RARB: variants seen among roughly 807,000 people sequenced by gnomAD.
The protein encoded by RARB is HBV-activated protein.
In RARB, 17 loss-of-function variants were observed where a neutral mutation model predicts 51.9. The observed-to-expected ratio is 0.33, with a 90% confidence interval of 0.22 to 0.49. The LOEUF is 0.49. Ranked by LOEUF, RARB falls within the 20% of genes least tolerant of loss-of-function variation. RARB has a pLI of 0.99. For missense variants in RARB, 369 were observed against 550.8 expected (o/e 0.67, Z 3.30); for synonymous variants, 215 against 195.4 (o/e 1.10, Z -0.84).
chr3:24,887,765 C>G (rs1427539848), intron 2 of RARB, among the ~76,000 whole-genome samples: 1 of 152,174 alleles, frequency 6.6e-6, no homozygotes, highest in Non-Finnish European at 1.5e-5. Context: ...ACCTCTGCCT[C>G]TTGTCACTTG....
intron 5 of RARB, among the ~76,000 whole-genome samples, chr3:25,291,231 C>T (rs1268543449): frequency 6.6e-6 from 1 of 152,164 alleles, no homozygotes; most frequent in African/African-American, 2.4e-5. Context: ...TCCCTCAGGT[C>T]ATGAATGCAT....
At chr3:25,218,105 C>T (rs969233325) in intron 5 of RARB, among the ~76,000 whole-genome samples, 3 of 152,106 alleles carry the variant, frequency 2.0e-5, no homozygotes, top group Admixed American at 6.6e-5. Context: ...TTCCTATAAG[C>T]CTTTTATTAT....
intron 5 of RARB, among the ~76,000 whole-genome samples, chr3:25,334,280 C>A (rs1364260449): frequency 6.6e-6 from 1 of 152,110 alleles, no homozygotes; most frequent in African/African-American, 2.4e-5. Flanking sequence ...AACCAACCCA[C>A]ATGTCCATTA....
At chr3:25,191,348 C>A (rs1701098506) in intron 5 of RARB, among the ~76,000 whole-genome samples, 1 of 152,018 alleles carries the variant, frequency 6.6e-6, no homozygotes, top group Admixed American at 6.6e-5. Context: ...AGTTTTATAT[C>A]TCTAATAAAG....
In RARB at chr3:24,839,535, GAA is replaced by G. The variant is rs56392246; in HGVS notation, c.-459+10146_-459+10147del. Among the ~76,000 whole-genome samples the G allele has an allele frequency of 5.7e-3, 785 of 137,724 alleles. 6 individuals carry two copies. Among genetic ancestry groups the G allele is most frequent in the Middle Eastern group, 0.023 (6 of 260 alleles). The allele number at this position is 137,724 out of a possible 152,430, so 90.4% of individuals were successfully genotyped here. The stretch of plus-strand genomic sequence containing the variant: ...GGCAACACAGAGAAACCCTGTCTCT[GAA>G]AAAAAAAAAAAAATACAGAAGTTAG... On this transcript the variant is annotated intron_variant, in intron 1 of 11. Coordinates refer to the RARB transcript ENST00000383772.
At chr3:25,320,111 A>AC (rs1412970639) in intron 5 of RARB, among the ~76,000 whole-genome samples, 1 of 151,442 alleles carries the variant, frequency 6.6e-6, no homozygotes, top group African/African-American at 2.4e-5. Context: ...CTGCTAAGGA[A>AC]CCTCTGACCC....
intron 5 of RARB, among the ~76,000 whole-genome samples, chr3:25,192,971 A>G (rs1244383918): frequency 6.6e-6 from 1 of 152,048 alleles, no homozygotes; most frequent in East Asian, 1.9e-4. Flanking sequence ...TACATTCTAG[A>G]AGGAAGCTCT....
intron 2 of RARB, among the ~76,000 whole-genome samples, chr3:24,916,728 T>A (rs954640125): frequency 4.8e-5 from 7 of 146,970 alleles, no homozygotes; most frequent in Non-Finnish European, 8.9e-5. Flanking sequence ...ATACATCTAT[T>A]CTATGGCATT....
intron 3 of RARB, among the ~76,000 whole-genome samples, chr3:25,096,315 T>C (rs1699291431): frequency 6.6e-6 from 1 of 152,046 alleles, no homozygotes; most frequent in African/African-American, 2.4e-5. Context: ...ACTGAGAACT[T>C]GTATGGTGCC....
intron 3 of RARB, among the ~76,000 whole-genome samples, chr3:25,505,538 T>G (rs568531737): frequency 8.6e-6 from 1 of 115,700 alleles, no homozygotes; most frequent in South Asian, 2.3e-4. Flanking sequence ...GTATGCTTAT[T>G]TCTTCATTTT....
At chr3:24,947,936 T>C (rs1283548257) in intron 2 of RARB, among the ~76,000 whole-genome samples, 2 of 152,084 alleles carry the variant, frequency 1.3e-5, no homozygotes, top group Non-Finnish European at 2.9e-5. Context: ...TGCTTAATGA[T>C]GTTACCAATT....
intron 2 of RARB, among the ~76,000 whole-genome samples, chr3:24,964,389 C>CT (rs1696210268): frequency 6.6e-6 from 1 of 152,066 alleles, no homozygotes; most frequent in Non-Finnish European, 1.5e-5. Context: ...GAAGCATTAG[C>CT]TTTGCAATAC....
intron 5 of RARB, among the ~76,000 whole-genome samples, chr3:25,300,367 G>A (rs1421520720): frequency 6.6e-6 from 1 of 152,206 alleles, no homozygotes; most frequent in African/African-American, 2.4e-5. Context: ...TTTTCACAAT[G>A]TGCAAGACTC....
At chr3:25,262,739 C>T (rs555254917) in intron 5 of RARB, among the ~76,000 whole-genome samples, 5 of 152,236 alleles carry the variant, frequency 3.3e-5, no homozygotes, top group East Asian at 1.9e-4. Flanking sequence ...TAAGGTCAGC[C>T]GGTTAGCAAG....
At chr3:25,444,301 C>G (rs116026772) in intron 1 of RARB, among the ~76,000 whole-genome samples, 1 of 152,022 alleles carries the variant, frequency 6.6e-6, no homozygotes, top group East Asian at 1.9e-4. Flanking sequence ...TCTTTGCCAA[C>G]GATATAAATT....
At chr3:25,227,872 C>T (rs1212465551) in intron 5 of RARB, among the ~76,000 whole-genome samples, 1 of 152,024 alleles carries the variant, frequency 6.6e-6, no homozygotes. Flanking sequence ...TATTCACTTG[C>T]TTTAGAATGA....
At chr3:25,242,227 A>G (rs972187654) in intron 5 of RARB, among the ~76,000 whole-genome samples, 1 of 152,032 alleles carries the variant, frequency 6.6e-6, no homozygotes, top group Non-Finnish European at 1.5e-5. Flanking sequence ...ATGGATAGAT[A>G]GCAAAAATTT....
intron 2 of RARB, among the ~76,000 whole-genome samples, chr3:24,937,940 C>T (rs549818280): frequency 9.2e-5 from 14 of 152,118 alleles, no homozygotes; most frequent in African/African-American, 3.4e-4. Flanking sequence ...CTGAGGAGAC[C>T]GCACATGAGA....
At chr3:25,046,014 C>T (rs1698206517) in intron 2 of RARB, among the ~76,000 whole-genome samples, 1 of 152,188 alleles carries the variant, frequency 6.6e-6, no homozygotes, top group African/African-American at 2.4e-5. Context: ...AGAAATCTGT[C>T]ATACCCAGGG....
Sources: allele counts gnomAD v4.1 joint callset (sites outside exome capture counted in the v4.1 genomes callset), GRCh38; gene constraint gnomAD v4.1.1; transcripts MANE v1.5; gene names NCBI Gene and HGNC (gene_info 2026-07-23, HGNC 2026-07-21).